The following KALRN variants were observed in gnomAD, a reference collection of about 807,000 sequenced individuals.
KALRN encodes the protein kalirin.
KALRN carries 70 observed loss-of-function variants against 353.7 expected under a neutral mutation model. The ratio of observed to expected loss-of-function variants is 0.20; its 90% confidence interval spans 0.16 to 0.24. The LOEUF is 0.24. KALRN is among the 10% of genes least tolerant of loss of function. The pLI, the probability that KALRN is intolerant of heterozygous loss-of-function variation, is 1.00. For missense variants in KALRN, 2,791 were observed against 3,756.7 expected (o/e 0.74, Z 6.72); for synonymous variants, 1,391 against 1,434.8 (o/e 0.97, Z 0.69).
At chr3:124,236,171 C>G (rs1277907122) in intron 3 of KALRN, among the ~76,000 whole-genome samples, 2 of 151,220 alleles carry the variant, frequency 1.3e-5, no homozygotes, top group African/African-American at 4.9e-5. Context: ...ATGATATCCA[C>G]TGGGAACAGA....
Position 124,228,024 on chromosome 3 carries a change from T to A in KALRN, c.108T>A (p.Asp36Glu). The A allele has an allele frequency of 6.2e-7, 1 of 1,614,150 alleles. No individual in the cohort carries two copies. The highest frequency in any genetic ancestry group is 8.5e-7 in the Non-Finnish European group (1 of 1,179,988). ...SFRNDGLKAS[D>E]VLPILKEKVA... ...GGAATGATGGTTTGAAAGCTTCTGA[T>A]GTCCTTCCTATCCTAAAGGAAAAGG... Residue 36 changes from aspartate to glutamate, a missense_variant, in exon 2 of 60, where the codon GAT (aspartate) becomes GAA (glutamate). By Grantham distance (45) the Asp-to-Glu change is conservative. This residue lies in a region of KALRN where 110 missense variants were observed against 204.1 expected (regional missense o/e 0.54). Transcript: ENST00000682506.
chr3:124,558,179 C>T (rs1017489019), intron 33 of KALRN, among the ~76,000 whole-genome samples: 9 of 152,110 alleles, frequency 5.9e-5, no homozygotes, highest in African/African-American at 2.2e-4. Context: ...ACAGTTGATA[C>T]AGTCTGTTAC....
chr3:124,700,055 GCCC>G, intron 56 of KALRN, 22 bp downstream of exon 56: 1 of 1,611,340 alleles, frequency 6.2e-7, no homozygotes, highest in African/African-American at 1.3e-5. Flanking sequence ...CCCAGCCCTG[GCCC>G]CCCAGGCAGT....
intron 33 of KALRN, among the ~76,000 whole-genome samples, chr3:124,542,072 G>A (rs944547873): frequency 6.6e-5 from 10 of 152,246 alleles, no homozygotes; most frequent in East Asian, 1.9e-4. Context: ...ATGGACTGGC[G>A]TTATGTGATA....
intron 34 of KALRN, among the ~76,000 whole-genome samples, chr3:124,628,190 T>G (rs1578455700): frequency 3.0e-5 from 1 of 33,248 alleles, no homozygotes; most frequent in Non-Finnish European, 4.8e-5. Flanking sequence ...CCCTCCTTCA[T>G]TCCCTCCCTC....
intron 1 of KALRN, among the ~76,000 whole-genome samples, chr3:124,141,527 T>C (rs1200492404): frequency 6.6e-6 from 1 of 152,208 alleles, no homozygotes; most frequent in African/African-American, 2.4e-5. Context: ...CCAAACTCCT[T>C]CTTCCACAGA....
intron 6 of KALRN, among the ~76,000 whole-genome samples, chr3:124,309,116 A>G (rs1055377217): frequency 4.6e-5 from 7 of 152,164 alleles, no homozygotes; most frequent in African/African-American, 1.7e-4. Flanking sequence ...TAATCTGAAT[A>G]GACCAATAGC....
chr3:124,421,563 G>C (rs2092784338), intron 14 of KALRN, among the ~76,000 whole-genome samples: 1 of 152,188 alleles, frequency 6.6e-6, no homozygotes, highest in Non-Finnish European at 1.5e-5. Flanking sequence ...GCAAAATGAG[G>C]CTTCTGAGAG....
Position 124,694,352 on chromosome 3 carries a change from C to T in KALRN, c.7426C>T (p.Pro2476Ser). 2 of 1,614,066 alleles carry T rather than the reference C, an allele frequency of 1.2e-6. No homozygotes were observed. The highest frequency in any genetic ancestry group is 2.2e-5 in the South Asian group (2 of 91,042). Residue 2476 changes from proline to serine, a missense_variant, in exon 53 of 60, where the codon CCC (proline) becomes TCC (serine). Pro to Ser is a moderately conservative substitution (Grantham distance 74). Coordinates refer to ENST00000682506, the MANE Select transcript of KALRN (RefSeq NM_001388419.1). ...IQEVAPEFLVPLVDVTCLLGD... is the reference protein window; with the variant it reads ...IQEVAPEFLVSLVDVTCLLGD... ...CACAGTGGCCCCAGAATTCCTTGTGCCCTTGGTGGATGTGACCTGCTTGCT... is the reference window on the plus strand; with the variant it reads ...CACAGTGGCCCCAGAATTCCTTGTGTCCTTGGTGGATGTGACCTGCTTGCT...
intron 1 of KALRN, among the ~76,000 whole-genome samples, chr3:124,143,438 G>A (rs1484779494): frequency 6.6e-6 from 1 of 152,130 alleles, no homozygotes; most frequent in African/African-American, 2.4e-5. Context: ...CTTGTTTTCT[G>A]GGGAAGATGG....
chr3:124,227,345 T>C (rs892954690), intron 1 of KALRN, among the ~76,000 whole-genome samples: 1 of 152,156 alleles, frequency 6.6e-6, no homozygotes. Flanking sequence ...CTCCTGTCTA[T>C]TGTGGACCAA....
chr3:124,586,175 C>G (rs2075161695), intron 34 of KALRN, among the ~76,000 whole-genome samples: 1 of 152,048 alleles, frequency 6.6e-6, no homozygotes. Context: ...GGGCCAGGGA[C>G]CCTCTAAGTC....
intron 5 of KALRN, among the ~76,000 whole-genome samples, chr3:124,274,523 G>GAA (rs1414932523): frequency 1.3e-5 from 2 of 152,224 alleles, no homozygotes; most frequent in African/African-American, 4.8e-5. Flanking sequence ...ATTCTGGAAA[G>GAA]GAGAAGATAT....
intron 1 of KALRN, among the ~76,000 whole-genome samples, chr3:124,127,289 T>C (rs1256800330): frequency 1.3e-5 from 2 of 152,228 alleles, no homozygotes; most frequent in Non-Finnish European, 2.9e-5. Flanking sequence ...CAATTTATTC[T>C]AAATAGATGT....
chr3:124,238,425 A>C (rs748736168), intron 3 of KALRN, among the ~76,000 whole-genome samples: 4 of 152,208 alleles, frequency 2.6e-5, no homozygotes, highest in Non-Finnish European at 4.4e-5. Context: ...ACTGGAGACC[A>C]GATGACCCTC....
At chr3:124,507,356 A>G (rs2065350746) in intron 33 of KALRN, among the ~76,000 whole-genome samples, 1 of 152,220 alleles carries the variant, frequency 6.6e-6, no homozygotes, top group Non-Finnish European at 1.5e-5. Flanking sequence ...GTTCTCTGAC[A>G]TTTAAATTTA....
At chr3:124,551,454 T>C (rs1388944412) in intron 33 of KALRN, among the ~76,000 whole-genome samples, 3 of 152,212 alleles carry the variant, frequency 2.0e-5, no homozygotes, top group Non-Finnish European at 2.9e-5. Flanking sequence ...GTGCTGGATC[T>C]GGGGTGGTGC....
intron 34 of KALRN, among the ~76,000 whole-genome samples, chr3:124,575,140 C>G (rs1301371134): frequency 6.6e-6 from 1 of 152,260 alleles, no homozygotes; most frequent in East Asian, 1.9e-4. Flanking sequence ...CTGCCCCTTT[C>G]TTTGCCCTTG....
rs2079158645 is a variant in KALRN at position 124,231,604 on chromosome 3, G to A, written c.149-3225G>A. ...AAAACGGGGTTCTACTCTCAAAGAA[G>A]TTTGGGAAATGCTGGACATTCTAGC... On this transcript the variant is annotated intron_variant, in intron 2 of 59. Transcript: ENST00000682506. Among the ~76,000 whole-genome samples the A allele has an allele frequency of 2.0e-5, 3 of 152,154 alleles. No individual in the cohort carries two copies. The South Asian group carries it at 6.2e-4, about 32-fold the overall frequency.
Sources: allele counts gnomAD v4.1 joint callset (sites outside exome capture counted in the v4.1 genomes callset), GRCh38; gene constraint gnomAD v4.1.1; regional missense constraint gnomAD v4.1.1; transcripts MANE v1.5; gene names NCBI Gene and HGNC (gene_info 2026-07-23, HGNC 2026-07-21).